PCDH15: variants seen among roughly 807,000 people sequenced by gnomAD.
PCDH15 encodes the protein protocadherin related 15.
PCDH15 carries 129 observed loss-of-function variants against 178.5 expected under a neutral mutation model. The ratio of observed to expected loss-of-function variants is 0.72; its 90% CI spans 0.63 to 0.84. PCDH15 has a LOEUF of 0.84. Among genes scored for constraint, PCDH15 ranks in the 40% least tolerant of loss-of-function variants. The pLI is 0.00. For synonymous variants in PCDH15, 800 were observed against 732.0 expected, an observed-to-expected ratio of 1.09 and a Z score of -1.50; for missense variants, 2,230 against 2,099.9, an observed-to-expected ratio of 1.06 and a Z score of -1.21.
At chr10:55,412,602 T>G (rs1176286735) in intron 2 of PCDH15, among the ~76,000 whole-genome samples, 4 of 151,848 alleles carry the variant, frequency 2.6e-5, no homozygotes, top group Non-Finnish European at 5.9e-5. Context: ...AAAGAATGGC[T>G]AAAGTATAAG....
intron 1 of PCDH15, among the ~76,000 whole-genome samples, chr10:54,728,635 T>C (rs1200911240): frequency 6.6e-6 from 1 of 150,678 alleles, no homozygotes; most frequent in Non-Finnish European, 1.5e-5. Context: ...AATAGAGAGG[T>C]ATTCAAACTA....
chr10:55,060,363 A>C (rs1434512165), intron 2 of PCDH15, among the ~76,000 whole-genome samples: 1 of 152,062 alleles, frequency 6.6e-6, no homozygotes, highest in Non-Finnish European at 1.5e-5. Context: ...AGGTTTGAAA[A>C]CTGAAGGCCT....
intron 27 of PCDH15, among the ~76,000 whole-genome samples, chr10:53,859,859 T>C (rs1175131076): frequency 1.3e-5 from 2 of 152,066 alleles, no homozygotes; most frequent in African/African-American, 2.4e-5. Flanking sequence ...GGAGGATAGA[T>C]TCAGCAGCCT....
At chr10:54,117,785 G>A (rs941275306) in intron 15 of PCDH15, among the ~76,000 whole-genome samples, 2 of 152,096 alleles carry the variant, frequency 1.3e-5, no homozygotes, top group South Asian at 2.1e-4. Context: ...TGAAGCCCTC[G>A]TGGAGAGGAG....
chr10:54,709,952 T>TA (rs2095411661), intron 1 of PCDH15, among the ~76,000 whole-genome samples: 1 of 148,128 alleles, frequency 6.8e-6, no homozygotes, highest in Admixed American at 6.8e-5. Context: ...TATATATATA[T>TA]TACATATTTA....
intron 1 of PCDH15, among the ~76,000 whole-genome samples, chr10:55,298,996 G>A (rs879748560): frequency 6.6e-6 from 1 of 152,070 alleles, no homozygotes; most frequent in Admixed American, 6.5e-5. Context: ...AATCTCTTTT[G>A]GACTGCAATG....
At chr10:53,967,207 C>T (rs927997797) in intron 21 of PCDH15, among the ~76,000 whole-genome samples, 3 of 152,130 alleles carry the variant, frequency 2.0e-5, no homozygotes, top group Non-Finnish European at 4.4e-5. Flanking sequence ...GCTTTTCCCC[C>T]TTTTGCTTGG....
intron 2 of PCDH15, among the ~76,000 whole-genome samples, chr10:55,334,242 A>ATGTG (rs1208145029): frequency 0.033 from 2,352 of 72,062 alleles, 114 homozygotes; most frequent in East Asian, 0.075. Flanking sequence ...ATATATATAT[A>ATGTG]TGTGTGTGTG....
chr10:55,334,401 G>C (rs778853860), intron 2 of PCDH15, among the ~76,000 whole-genome samples: 1 of 149,902 alleles, frequency 6.7e-6, no homozygotes, highest in African/African-American at 2.5e-5. Context: ...TCTGTCTCCC[G>C]GGTTCAAGCG....
At chr10:54,972,093 CG>C in intron 2 of PCDH15, among the ~76,000 whole-genome samples, 1 of 152,178 alleles carries the variant, frequency 6.6e-6, no homozygotes, top group East Asian at 1.9e-4. Flanking sequence ...CTACTTCCCA[CG>C]GGGCTTCAAA....
chr10:55,310,693 A>T (rs560839982), intron 1 of PCDH15, among the ~76,000 whole-genome samples: 1 of 152,188 alleles, frequency 6.6e-6, no homozygotes, highest in Non-Finnish European at 1.5e-5. Flanking sequence ...ATGCAGCTGT[A>T]AAAAAGAATG....
Position 55,065,559 on chromosome 10 carries a change from A to G in PCDH15, c.-80+101017T>C, listed in dbSNP as rs80228685. On this transcript the variant is annotated intron_variant, in intron 2 of 5. Transcript: ENST00000458638. The stretch of plus-strand genomic sequence containing the variant: ...TATGTATCTGTTTACATGCTTTTTA[A>G]CTGTTTTACCACTCTATGAACCCAG... Among the ~76,000 whole-genome samples the G allele has an allele frequency of 1.2e-4, 19 of 152,116 alleles. No homozygotes were observed. In the East Asian group the frequency reaches 3.3e-3, roughly 26 times the overall value.
chr10:53,817,516 C>CTTTTTTTTTTCT (rs2076105658), intron 34 of PCDH15, among the ~76,000 whole-genome samples: 1 of 131,930 alleles, frequency 7.6e-6, no homozygotes, highest in African/African-American at 2.9e-5. Context: ...TTTTCTTTTT[C>CTTTTTTTTTTCT]TTTTTTTTTT....
chr10:54,830,594 G>A (rs184970602), intron 3 of PCDH15, among the ~76,000 whole-genome samples: 1 of 149,026 alleles, frequency 6.7e-6, no homozygotes, highest in Non-Finnish European at 1.5e-5. Flanking sequence ...TGGGGTGGGG[G>A]TAGGGGGGAG....
Position 54,499,369 on chromosome 10 carries a change from A to G in PCDH15, c.157+28443T>C, listed in dbSNP as rs374803588. ...TCCACACAATAACAATGGAAAATGCATCCTTCTCATCTGAACACAGAATGT... is the reference window on the plus strand; with the variant it reads ...TCCACACAATAACAATGGAAAATGCGTCCTTCTCATCTGAACACAGAATGT... On this transcript the variant is annotated intron_variant, in intron 3 of 37. Coordinates refer to ENST00000644397, the MANE Select transcript of PCDH15 (RefSeq NM_001384140.1). Among the ~76,000 whole-genome samples, 8 of 152,262 alleles carry G rather than the reference A, an allele frequency of 5.3e-5. No homozygotes were observed. In the South Asian group the frequency reaches 1.7e-3, roughly 32 times the overall value.
intron 3 of PCDH15, among the ~76,000 whole-genome samples, chr10:54,451,289 A>G (rs929153893): frequency 6.6e-6 from 1 of 151,896 alleles, no homozygotes; most frequent in African/African-American, 2.4e-5. Flanking sequence ...CAAATACTTG[A>G]AATTTTTACT....
chr10:54,079,188 T>G, intron 17 of PCDH15, 143 bp downstream of exon 17: 1 of 845,356 alleles, frequency 1.2e-6, no homozygotes, highest in Non-Finnish European at 2.0e-6. Flanking sequence ...AATAGCCTGT[T>G]GAAGAAAAGA....
intron 1 of PCDH15, among the ~76,000 whole-genome samples, chr10:55,233,150 T>C (rs1203823865): frequency 6.6e-6 from 1 of 152,136 alleles, no homozygotes; most frequent in African/African-American, 2.4e-5. Context: ...ATACTACTTC[T>C]ATATTAACTA....
chr10:55,281,098 TA>T (rs34120236), intron 1 of PCDH15, among the ~76,000 whole-genome samples: 2 of 152,334 alleles, frequency 1.3e-5, no homozygotes, highest in South Asian at 2.1e-4. Context: ...AATAAATGTG[TA>T]AAAAATATTA....
Sources: allele counts gnomAD v4.1 joint callset (sites outside exome capture counted in the v4.1 genomes callset), GRCh38; gene constraint gnomAD v4.1.1; transcripts MANE v1.5; gene names NCBI Gene and HGNC (gene_info 2026-07-23, HGNC 2026-07-21).